The following TNC variants were observed in gnomAD, a reference collection of about 807,000 sequenced individuals.
The protein encoded by TNC is tenascin C, also known as tenascin.
A neutral mutation model predicts 202.4 loss-of-function variants in TNC; 109 were observed. The ratio of observed to expected loss-of-function variants is 0.54; its 90% CI spans 0.46 to 0.63. The LOEUF (loss-of-function observed/expected upper bound fraction) is 0.63, where lower values mean the gene tolerates loss of function less well. Among genes scored for constraint, TNC ranks in the 30% least tolerant of loss-of-function variants. The pLI, the probability that TNC is intolerant of heterozygous loss-of-function variation, is 0.00. For missense variants in TNC, 2,756 were observed against 2,833.3 expected (o/e 0.97, Z 0.62); for synonymous variants, 1,007 against 1,089.7 (o/e 0.92, Z 1.50).
At chr9:115,082,370 T>C (rs1333369038) in intron 5 of TNC, among the ~76,000 whole-genome samples, 1 of 152,204 alleles carries the variant, frequency 6.6e-6, no homozygotes, top group African/African-American at 2.4e-5. Context: ...ATCTGAGATG[T>C]ACCTTTATTT....
chr9:115,099,924 G>A (rs1836098565), intron 1 of TNC, among the ~76,000 whole-genome samples: 1 of 152,138 alleles, frequency 6.6e-6, no homozygotes, highest in Admixed American at 6.5e-5. Context: ...AAAATTTTTA[G>A]GAAAATGAGG....
chr9:115,031,862 T>C (rs570657012), intron 22 of TNC, among the ~76,000 whole-genome samples, 177 bp from the exon 23 acceptor site: 2 of 152,192 alleles, frequency 1.3e-5, no homozygotes, highest in African/African-American at 4.8e-5. Flanking sequence ...ATATCAGAGA[T>C]GGGGAGAGTA....
intron 1 of TNC, among the ~76,000 whole-genome samples, chr9:115,092,487 C>T (rs1835303641): frequency 1.3e-5 from 2 of 152,160 alleles, no homozygotes; most frequent in Admixed American, 6.5e-5. Flanking sequence ...TGAGAATGAT[C>T]TATACACGAT....
rs772662887 is a variant in TNC, at chr9:115,086,173, C to T, written c.1558G>A (p.Asp520Asn). The T allele has an allele frequency of 3.7e-6, 6 of 1,614,046 alleles. No homozygotes were observed. In the Admixed American group the frequency reaches 8.3e-5, roughly 22 times the overall value. Reference sequence around the variant, plus strand: ...GCACAGTCAGGGCCGGTGAAGCCGTCCTCACAGACGCACTGTCCGTCCACA... The same window carrying T: ...GCACAGTCAGGGCCGGTGAAGCCGTTCTCACAGACGCACTGTCCGTCCACA... ...LCVDGQCVCE[D>N]GFTGPDCAEL... Residue 520 changes from aspartate (D) to asparagine (N), a missense_variant, in exon 3 of 28, where the codon GAC becomes AAC. Asp to Asn is a conservative substitution (Grantham distance 23, BLOSUM62 1). Around this residue, in one of 2 missense-constraint regions of TNC, gnomAD observed 2,559 missense variants for 2,546.0 expected, o/e 1.01. Coordinates refer to ENST00000350763, the MANE Select transcript of TNC (RefSeq NM_002160.4).
intron 9 of TNC, among the ~76,000 whole-genome samples, chr9:115,074,613 C>A (rs1833704513): frequency 6.6e-6 from 1 of 152,140 alleles, no homozygotes; most frequent in African/African-American, 2.4e-5. Flanking sequence ...CTTGAAATGG[C>A]AAAATCATAG....
intron 26 of TNC, among the ~76,000 whole-genome samples, chr9:115,024,413 T>C (rs1208011545): frequency 6.6e-6 from 1 of 152,216 alleles, no homozygotes; most frequent in East Asian, 1.9e-4. Flanking sequence ...TTTTTAGCTG[T>C]GACCTTGCAC....
intron 1 of TNC, among the ~76,000 whole-genome samples, chr9:115,098,149 A>G (rs753129322): frequency 3.3e-5 from 5 of 152,186 alleles, no homozygotes; most frequent in Non-Finnish European, 7.4e-5. Context: ...CTTTAATCTT[A>G]TTTCAATTGC....
chr9:115,117,671 CA>C (rs1420848580), intron 1 of TNC, among the ~76,000 whole-genome samples: 1 of 152,170 alleles, frequency 6.6e-6, no homozygotes. Flanking sequence ...GTGAATCAGC[CA>C]GACTAGAAGT....
Position 115,087,264 on chromosome 9 carries a change from T to A in TNC, c.467A>T (p.Asp156Val). Residue 156 changes from aspartate to valine, a missense_variant, in exon 3 of 28, where the codon GAC becomes GTC. Coordinates refer to ENST00000350763, the MANE Select transcript of TNC (RefSeq NM_002160.4). ...CCLQPATGRL[D>V]TRPFCSGRGN... is the part of the protein sequence containing the mutation. ...CCGACCGCTACAGAAGGGCCTGGTGTCCAAGCGGCCTGCAACAAAAGAAAC... is the reference window on the plus strand; with the variant it reads ...CCGACCGCTACAGAAGGGCCTGGTGACCAAGCGGCCTGCAACAAAAGAAAC... 6.2e-7 allele frequency: 1 copy of A among 1,611,342 alleles called. No individual in the cohort carries two copies. Among genetic ancestry groups the A allele is most frequent in the Non-Finnish European group, 8.5e-7 (1 of 1,177,724 alleles).
At chr9:115,108,199 T>G (rs1021582020) in intron 1 of TNC, among the ~76,000 whole-genome samples, 1 of 152,196 alleles carries the variant, frequency 6.6e-6, no homozygotes, top group Non-Finnish European at 1.5e-5. Context: ...CAGATCTAGA[T>G]GAACAAGAGC....
chr9:115,047,938 T>C (rs1440762001), intron 16 of TNC, among the ~76,000 whole-genome samples: 1 of 152,136 alleles, frequency 6.6e-6, no homozygotes, highest in Non-Finnish European at 1.5e-5. Context: ...AAGGCTGAAA[T>C]GTAGCTGGGG....
At chr9:115,062,453 A>G (rs1187513932) in intron 13 of TNC, among the ~76,000 whole-genome samples, 1 of 151,974 alleles carries the variant, frequency 6.6e-6, no homozygotes, top group East Asian at 1.9e-4. Context: ...CAAAAAATAC[A>G]AAAAACTTAG....
At chr9:115,032,969 G>T (rs886728069) in intron 22 of TNC, among the ~76,000 whole-genome samples, 1 of 152,166 alleles carries the variant, frequency 6.6e-6, no homozygotes, top group Non-Finnish European at 1.5e-5. Flanking sequence ...CAAGCACAAC[G>T]ATCTTCTCTA....
chr9:115,059,390 T>C (rs1291142690), intron 14 of TNC, among the ~76,000 whole-genome samples: 3 of 152,190 alleles, frequency 2.0e-5, no homozygotes, highest in Non-Finnish European at 4.4e-5. Flanking sequence ...GGGAAGCTTT[T>C]AGTTATCTCC....
Position 115,020,535 on chromosome 9 carries a change from C to G in TNC, c.*622G>C. On this transcript the variant is annotated 3_prime_UTR_variant, in exon 28 of 28. Coordinates refer to ENST00000350763, the MANE Select transcript of TNC (RefSeq NM_002160.4). Reference sequence around the variant, plus strand: ...ACAATTCAAAGCAAAATAACAAACTCAAAAGTACTTGTGCTTTTATTTAAA... The same window carrying G: ...ACAATTCAAAGCAAAATAACAAACTGAAAAGTACTTGTGCTTTTATTTAAA... The G allele has an allele frequency of 4.4e-6, 1 of 226,810 alleles. No homozygotes were observed. Among genetic ancestry groups the G allele is most frequent in the Non-Finnish European group, 8.8e-6 (1 of 114,146 alleles). The allele number at this position is 226,810 out of a possible 1,614,324, so 14.0% of individuals were successfully genotyped here. A position where few individuals can be genotyped will look rare whatever the true frequency, so the allele number is the denominator to read the frequency against.
chr9:115,048,235 A>C (rs1339226292), intron 16 of TNC, 25 bp downstream of exon 16: 8 of 1,608,312 alleles, frequency 5.0e-6, no homozygotes, highest in African/African-American at 1.3e-5. Context: ...GAAGAGGAAC[A>C]AATGGCTCAC....
chr9:115,021,312 T>A, intron 27 of TNC, 45 bp from the exon 28 acceptor site: 1 of 1,420,632 alleles, frequency 7.0e-7, no homozygotes. Flanking sequence ...AGAGAAGGCC[T>A]CCAGGTTGGT....
At chr9:115,088,660 A>G (rs1274054861) in intron 2 of TNC, among the ~76,000 whole-genome samples, 1 of 152,024 alleles carries the variant, frequency 6.6e-6, no homozygotes, top group African/African-American at 2.4e-5. Flanking sequence ...TTGTATTAAT[A>G]TATTTTATCT....
At chr9:115,054,555 A>G (rs1445070147) in intron 15 of TNC, among the ~76,000 whole-genome samples, 6 of 152,220 alleles carry the variant, frequency 3.9e-5, no homozygotes, top group Admixed American at 2.6e-4. Context: ...ACCATGCAGA[A>G]TAAGACTCAG....
Sources: allele counts gnomAD v4.1 joint callset (sites outside exome capture counted in the v4.1 genomes callset), GRCh38; gene constraint gnomAD v4.1.1; regional missense constraint gnomAD v4.1.1; transcripts MANE v1.5; gene names NCBI Gene and HGNC (gene_info 2026-07-23, HGNC 2026-07-21).